Variants in MAK observed in about 807,000 individuals in gnomAD.
MAK encodes the protein serine/threonine-protein kinase MAK.
A neutral mutation model predicts 82.6 loss-of-function variants in MAK; 65 were observed. The ratio of observed to expected loss-of-function variants is 0.79; its 90% CI spans 0.64 to 0.97. The LOEUF is 0.97. Ranked by LOEUF, MAK falls within the 50% of genes least tolerant of loss-of-function variation. The probability of loss-of-function intolerance (pLI) is 0.00; values close to 1 mark genes in which losing one functional copy is unlikely to be tolerated. For missense variants in MAK, 703 were observed against 780.2 expected, an observed-to-expected ratio of 0.90 and a Z score of 1.18; for synonymous variants, 250 against 274.2, an observed-to-expected ratio of 0.91 and a Z score of 0.87.
chr6:10,809,230 C>A (rs1475536028), intron 5 of MAK, among the ~76,000 whole-genome samples: 4 of 152,156 alleles, frequency 2.6e-5, no homozygotes, highest in South Asian at 2.1e-4. Flanking sequence ...AGGCACTGGG[C>A]TAGGTATTAC....
chr6:10,770,050 A>G, intron 14 of MAK, 61 bp downstream of exon 14: 1 of 1,613,588 alleles, frequency 6.2e-7, no homozygotes, highest in Non-Finnish European at 8.5e-7. Flanking sequence ...GCATAAACTT[A>G]AAAAGGAAAA....
chr6:10,777,450 G>A (rs982542584), intron 11 of MAK, among the ~76,000 whole-genome samples: 2 of 151,976 alleles, frequency 1.3e-5, no homozygotes, highest in African/African-American at 4.8e-5. Context: ...GGAAGTGCAA[G>A]GTAGGGGTAA....
At chr6:10,824,347 T>C (rs563970400) in intron 2 of MAK, among the ~76,000 whole-genome samples, 44 of 152,312 alleles carry the variant, frequency 2.9e-4, no homozygotes, top group African/African-American at 1.1e-3. Context: ...CCTCCTATCC[T>C]TTTCACCGTC....
At chr6:10,791,924 A>G (rs1332115214) in intron 9 of MAK, 77 bp from the exon 10 acceptor site, 2 of 1,412,888 alleles carry the variant, frequency 1.4e-6, no homozygotes, top group Non-Finnish European at 2.0e-6. Context: ...TATCTATGTA[A>G]GACACTAACA....
intron 6 of MAK, among the ~76,000 whole-genome samples, chr6:10,805,736 A>C (rs1183874007): frequency 6.6e-6 from 1 of 152,236 alleles, no homozygotes; most frequent in Non-Finnish European, 1.5e-5. Context: ...AGAACTTACT[A>C]TACTTTGACG....
intron 11 of MAK, among the ~76,000 whole-genome samples, chr6:10,777,743 A>T (rs1481438476): frequency 4.6e-5 from 7 of 152,128 alleles, no homozygotes; most frequent in Admixed American, 4.6e-4. Context: ...GGTTCAAGTG[A>T]TTCTCTTGCC....
At chr6:10,833,267 C>G (rs1778939474) in intron 1 of MAK, among the ~76,000 whole-genome samples, 1 of 152,168 alleles carries the variant, frequency 6.6e-6, no homozygotes, top group Non-Finnish European at 1.5e-5. Flanking sequence ...AGGAACGTAT[C>G]TGTTCACAGA....
chr6:10,763,399 G>A lies in MAK; in HGVS notation c.*1053C>T, dbSNP rs1235595433. The A allele has an allele frequency of 6.6e-6, 1 of 152,110 alleles. No homozygotes were observed. Among genetic ancestry groups the A allele is most frequent in the Non-Finnish European group, 1.5e-5 (1 of 68,022 alleles). The allele number at this position is 152,110 out of a possible 1,614,324, so 9.4% of individuals were successfully genotyped here. ...TGTCCAGCCAAGAGAACCTTGACTT[G>A]GTTACTATTGAAGTCATCAAGCCAT... On this transcript the variant is annotated 3_prime_UTR_variant, in exon 15 of 15. Coordinates refer to ENST00000354489, the MANE Select transcript of MAK (RefSeq NM_001242957.3).
intron 2 of MAK, among the ~76,000 whole-genome samples, chr6:10,823,234 C>G (rs1013393109): frequency 6.6e-6 from 1 of 152,148 alleles, no homozygotes; most frequent in Non-Finnish European, 1.5e-5. Flanking sequence ...TGCTTCTCAA[C>G]GTAATTCTGA....
chr6:10,765,440 A>ATTTTTTTTTTT (rs200536068), intron 14 of MAK, among the ~76,000 whole-genome samples: 16 of 130,640 alleles, frequency 1.2e-4, no homozygotes, highest in African/African-American at 4.7e-4. Context: ...TAGAATGAAG[A>ATTTTTTTTTTT]TTTTTTTTTT....
intron 1 of MAK, among the ~76,000 whole-genome samples, chr6:10,834,965 C>T (rs1314623551): frequency 2.6e-5 from 4 of 152,176 alleles, no homozygotes; most frequent in Non-Finnish European, 5.9e-5. Flanking sequence ...TGGCCCTGCT[C>T]AGCTGGCGCT....
intron 11 of MAK, among the ~76,000 whole-genome samples, chr6:10,777,478 T>C (rs1773562422): frequency 6.6e-6 from 1 of 152,140 alleles, no homozygotes; most frequent in African/African-American, 2.4e-5. Context: ...AAAATCTGTG[T>C]GAACACAGTT....
rs1353453313 is a variant in MAK, at chr6:10,803,677, A to T, written c.663+43T>A. The T allele has an allele frequency of 4.6e-6, 7 of 1,534,612 alleles. No individual in the cohort carries two copies. The Admixed American group carries it at 1.2e-4, about 26-fold the overall frequency. On this transcript the variant is annotated intron_variant, in intron 7 of 14. Transcript: ENST00000354489. ...AATTAAAAGCAAAGTAGCAAGATAG[A>T]AATAATCAAAAGTTATAGCAACTTA...
At chr6:10,821,789 C>T (rs1002624993) in intron 2 of MAK, among the ~76,000 whole-genome samples, 3 of 151,024 alleles carry the variant, frequency 2.0e-5, no homozygotes, top group East Asian at 2.0e-4. Flanking sequence ...GTGCTATAAC[C>T]GAGCCTGTGA....
intron 5 of MAK, 90 bp from the exon 6 acceptor site, chr6:10,809,032 C>A: frequency 8.7e-7 from 1 of 1,153,496 alleles, no homozygotes. Context: ...TAAATGAACC[C>A]CCTCTTTTAT....
Position 10,764,352 on chromosome 6 carries a change from C to G in MAK, c.*100G>C, listed in dbSNP as rs373312456. 33 of 1,320,316 alleles carry G rather than the reference C, an allele frequency of 2.5e-5. No homozygotes were observed. In the South Asian group the frequency reaches 4.1e-4, roughly 16 times the overall value. The allele number at this position is 1,320,316 out of a possible 1,614,324, so 81.8% of individuals were successfully genotyped here. A position where few individuals can be genotyped will look rare whatever the true frequency, so the allele number is the denominator to read the frequency against. On this transcript the variant is annotated 3_prime_UTR_variant, in exon 15 of 15. Coordinates refer to ENST00000354489, the MANE Select transcript of MAK (RefSeq NM_001242957.3). Reference sequence around the variant, plus strand: ...AGTACCCACTTTTGCATATTTCTTCCAGAACTCAGTAGAAATAGACATTTG... The same window carrying G: ...AGTACCCACTTTTGCATATTTCTTCGAGAACTCAGTAGAAATAGACATTTG...
intron 2 of MAK, among the ~76,000 whole-genome samples, chr6:10,827,175 GAA>G (rs1291421915): frequency 6.6e-6 from 1 of 151,924 alleles, no homozygotes; most frequent in Non-Finnish European, 1.5e-5. Flanking sequence ...TTGCCACTCA[GAA>G]AAAAATGATG....
intron 8 of MAK, 104 bp downstream of exon 8, chr6:10,801,788 A>T: frequency 9.5e-7 from 1 of 1,050,060 alleles, no homozygotes; most frequent in Non-Finnish European, 1.5e-6. Flanking sequence ...TAATTCTCTT[A>T]GTAAAATCCT....
intron 2 of MAK, among the ~76,000 whole-genome samples, chr6:10,827,231 G>A (rs918625517): frequency 9.2e-5 from 14 of 152,214 alleles, no homozygotes; most frequent in African/African-American, 2.6e-4. Context: ...CCATCTGTGG[G>A]ACTGTACCCA....
Sources: gnomAD v4.1 joint callset for allele counts (sites outside exome capture counted in the v4.1 genomes callset) on GRCh38, gnomAD v4.1.1 for gene constraint, MANE v1.5 for transcripts, NCBI Gene and HGNC (gene_info 2026-07-23, HGNC 2026-07-21) for gene names.